Variants in SGMS2 observed in about 807,000 individuals in gnomAD.
SGMS2 encodes the protein sphingomyelin synthase 2.
SGMS2 carries 21 observed loss-of-function variants against 43.8 expected under a neutral mutation model. The ratio of observed to expected loss-of-function variants is 0.48; its 90% confidence interval spans 0.34 to 0.69. The LOEUF (loss-of-function observed/expected upper bound fraction) is 0.69, where lower values mean the gene tolerates loss of function less well. Ranked by LOEUF, SGMS2 falls within the 30% of genes least tolerant of loss-of-function variation. The probability of loss-of-function intolerance (pLI) is 0.01; values close to 1 mark genes in which losing one functional copy is unlikely to be tolerated. For synonymous variants in SGMS2, 167 were observed against 160.6 expected (o/e 1.04, Z -0.30); for missense variants, 384 against 443.2 (o/e 0.87, Z 1.20).
intron 1 of SGMS2, among the ~76,000 whole-genome samples, chr4:107,839,958 T>C (rs1186661683): frequency 6.6e-6 from 1 of 152,200 alleles, no homozygotes; most frequent in Non-Finnish European, 1.5e-5. Flanking sequence ...TGTATACCTA[T>C]TGTCCTAGTG....
chr4:107,873,327 T>C (rs1470301498), intron 2 of SGMS2: 3 of 152,234 alleles, frequency 2.0e-5, no homozygotes, highest in Non-Finnish European at 4.4e-5. Flanking sequence ...AGTTCTGGCT[T>C]ACCTCAGATT....
intron 5 of SGMS2, among the ~76,000 whole-genome samples, chr4:107,906,478 C>T (rs1731588300): frequency 6.6e-6 from 1 of 152,138 alleles, no homozygotes; most frequent in Non-Finnish European, 1.5e-5. Context: ...CCTGGCCACC[C>T]TACCAAGTCT....
At chr4:107,874,718 T>C (rs191513490) in intron 2 of SGMS2, among the ~76,000 whole-genome samples, 41 of 152,344 alleles carry the variant, frequency 2.7e-4, no homozygotes, top group African/African-American at 9.4e-4. Context: ...ATAAATATTG[T>C]ATATTTTAAG....
chr4:107,831,230 G>A lies in SGMS2; in HGVS notation c.-327+5977G>A, dbSNP rs532009440. The stretch of plus-strand genomic sequence containing the variant: ...TTGTCTCCACTAGCTTCAGCGATAT[G>A]TTGGGTTTTGAGAGACATAGTTTGA... On this transcript the variant is annotated intron_variant, in intron 1 of 6. Transcript: ENST00000690982. Among the ~76,000 whole-genome samples the A allele has an allele frequency of 3.6e-3, 543 of 152,280 alleles. 1 individual carries two copies. Among genetic ancestry groups the A allele is most frequent in the African/African-American group, 0.012 (506 of 41,552 alleles).
chr4:107,830,973 G>A (rs566912213), intron 1 of SGMS2, among the ~76,000 whole-genome samples: 145 of 152,304 alleles, frequency 9.5e-4, no homozygotes, highest in African/African-American at 3.2e-3. Context: ...AAGTACTAGT[G>A]AAGATTAAAT....
At position 107,910,463 on chromosome 4, in the gene SGMS2, G is replaced by A. The variant is rs34576975; in HGVS notation, c.1008G>A (p.Pro336=). The A allele has an allele frequency of 6.4e-4, 1,025 of 1,613,908 alleles. 8 individuals carry two copies. The African/African-American group carries it at 0.012, about 18-fold the overall frequency. ...QGSIPCCFSW[P]LSWPPGCFKS... The stretch of plus-strand genomic sequence containing the variant: ...CAATTCCTTGCTGCTTCTCCTGGCC[G>A]CTGTCTTGGCCTCCTGGCTGCTTCA... The change falls in exon 7 of 7, where the codon CCG becomes CCA. Residue 336 remains proline (P), a synonymous_variant. Coordinates refer to ENST00000690982, the MANE Select transcript of SGMS2 (RefSeq NM_001375905.1).
At chr4:107,828,742 G>T (rs939640918) in intron 1 of SGMS2, among the ~76,000 whole-genome samples, 4 of 152,146 alleles carry the variant, frequency 2.6e-5, no homozygotes, top group Non-Finnish European at 1.5e-5. Flanking sequence ...TTCAGAATTA[G>T]AGAACTTTTC....
chr4:107,855,865 T>C (rs568867676), intron 1 of SGMS2, among the ~76,000 whole-genome samples: 1 of 152,324 alleles, frequency 6.6e-6, no homozygotes, highest in South Asian at 2.1e-4. Flanking sequence ...CCTTTGATTC[T>C]TTTAAGGACC....
In SGMS2 at chr4:107,895,522, C is replaced by A; in HGVS notation, c.-32C>A. ...TTTCCACAAAGAACAAGAACTTGAC[C>A]ATCTCCTTTTTGATCTGAAGACTAG... On this transcript the variant is annotated 5_prime_UTR_variant, in exon 3 of 7. Transcript: ENST00000690982. 6.4e-7 allele frequency: 1 copy of A among 1,568,570 alleles called. No homozygotes were observed. The highest frequency in any genetic ancestry group is 1.2e-5 in the South Asian group (1 of 83,606).
At chr4:107,899,519 T>G in intron 3 of SGMS2, 56 bp from the exon 4 acceptor site, 1 of 1,179,128 alleles carries the variant, frequency 8.5e-7, no homozygotes, top group Admixed American at 2.0e-5. Flanking sequence ...TATTTTTCAT[T>G]AGGAGTAAAA....
At chr4:107,849,855 A>G (rs143943619) in intron 1 of SGMS2, among the ~76,000 whole-genome samples, 8 of 152,334 alleles carry the variant, frequency 5.3e-5, no homozygotes, top group Admixed American at 3.3e-4. Context: ...TAGCCAAAGT[A>G]CTAAATTTGA....
At position 107,847,594 on chromosome 4, in the gene SGMS2, C is replaced by T. The variant is rs144176534; in HGVS notation, c.-326-10878C>T. 0.012 allele frequency among the ~76,000 whole-genome samples: 1,809 copies of T among 152,094 alleles called. 77 individuals carry two copies. In the East Asian group the frequency reaches 0.13, roughly 11 times the overall value. On this transcript the variant is annotated intron_variant, in intron 1 of 6. Coordinates refer to ENST00000690982, the MANE Select transcript of SGMS2 (RefSeq NM_001375905.1). Reference sequence around the variant, plus strand: ...TTGGCTTAGGATTGACTTGGCGATGCGGGCTGTTTTTTGGTTCCATATGAA... The same window carrying T: ...TTGGCTTAGGATTGACTTGGCGATGTGGGCTGTTTTTTGGTTCCATATGAA...
intron 1 of SGMS2, among the ~76,000 whole-genome samples, chr4:107,852,788 G>T (rs1411386828): frequency 3.3e-5 from 5 of 150,712 alleles, no homozygotes; most frequent in African/African-American, 9.8e-5. Flanking sequence ...TGGTTAATAG[G>T]CTCAGAACTA....
rs575690100 is a variant in SGMS2 at position 107,882,499 on chromosome 4, A to G, written c.-244-12811A>G. On this transcript the variant is annotated intron_variant, in intron 2 of 6. Coordinates refer to ENST00000690982, the MANE Select transcript of SGMS2 (RefSeq NM_001375905.1). The stretch of plus-strand genomic sequence containing the variant: ...TTTGAGCTCCTTATATATTCTGGTT[A>G]TTAATCTCTTGTCAGATGGATAGTT... Among the ~76,000 whole-genome samples, 713 of 152,206 alleles carry G rather than the reference A, an allele frequency of 4.7e-3. 3 individuals are homozygous for G. The highest frequency in any genetic ancestry group is 8.4e-3 in the Non-Finnish European group (571 of 68,000).
intron 2 of SGMS2, among the ~76,000 whole-genome samples, chr4:107,882,574 T>C (rs1319416280): frequency 2.0e-5 from 3 of 152,178 alleles, no homozygotes; most frequent in Non-Finnish European, 4.4e-5. Context: ...TTTGATTGTT[T>C]CAATTTTTAA....
At chr4:107,883,598 A>G (rs1729526998) in intron 2 of SGMS2, among the ~76,000 whole-genome samples, 1 of 152,176 alleles carries the variant, frequency 6.6e-6, no homozygotes, top group South Asian at 2.1e-4. Context: ...TGGTATTTAT[A>G]TATCTGTCTT....
At chr4:107,874,607 T>A (rs1728778225) in intron 2 of SGMS2, among the ~76,000 whole-genome samples, 1 of 152,202 alleles carries the variant, frequency 6.6e-6, no homozygotes, top group African/African-American at 2.4e-5. Context: ...CCAAGTGATT[T>A]TTTTAAGTAT....
At chr4:107,864,464 G>T (rs759956354) in intron 2 of SGMS2, 2 of 152,176 alleles carry the variant, frequency 1.3e-5, no homozygotes, top group African/African-American at 4.8e-5. Context: ...TCAAAAGGAT[G>T]AAAAGGATTG....
intron 2 of SGMS2, among the ~76,000 whole-genome samples, chr4:107,869,455 T>C (rs1045967601): frequency 6.6e-6 from 1 of 152,170 alleles, no homozygotes; most frequent in Non-Finnish European, 1.5e-5. Context: ...AAAAAAATAC[T>C]AGTTTCAAAA....
Sources: gnomAD v4.1 joint callset for allele counts (sites outside exome capture counted in the v4.1 genomes callset) on GRCh38, gnomAD v4.1.1 for gene constraint, MANE v1.5 for transcripts, NCBI Gene and HGNC (gene_info 2026-07-23, HGNC 2026-07-21) for gene names.